The following CS variants were observed in gnomAD, a reference collection of about 807,000 sequenced individuals.
The protein encoded by CS is citrate synthase.
In CS, 13 loss-of-function variants were observed where a neutral mutation model predicts 61.4. The observed-to-expected ratio is 0.21, with a 90% CI of 0.14 to 0.34. The LOEUF (loss-of-function observed/expected upper bound fraction) is 0.34. Ranked by LOEUF, CS falls within the 10% of genes least tolerant of loss-of-function variation. The pLI is 1.00. For missense variants in CS, 278 were observed against 573.4 expected, an observed-to-expected ratio of 0.48 and a Z score of 5.26; for synonymous variants, 159 against 215.2, an observed-to-expected ratio of 0.74 and a Z score of 2.29.
intron 3 of CS, among the ~76,000 whole-genome samples, chr12:56,284,821 C>T (rs527556274): frequency 1.3e-5 from 2 of 149,314 alleles, no homozygotes; most frequent in Non-Finnish European, 3.0e-5. Flanking sequence ...ATCGCTTGAA[C>T]CCGGGAGGCG....
At chr12:56,289,149 C>G (rs1047417364) in intron 1 of CS, among the ~76,000 whole-genome samples, 12 of 152,174 alleles carry the variant, frequency 7.9e-5, no homozygotes, top group Non-Finnish European at 1.6e-4. Context: ...AAATAGGCAG[C>G]ACAAACAGCC....
At chr12:56,282,218 T>C in intron 6 of CS, 2 of 471,164 alleles carry the variant, frequency 4.2e-6, no homozygotes. Flanking sequence ...AAACAAACAG[T>C]CCTGGTGATA....
intron 1 of CS, among the ~76,000 whole-genome samples, chr12:56,289,449 A>AT (rs565695428): frequency 1.5e-3 from 216 of 148,168 alleles, no homozygotes; most frequent in Admixed American, 2.6e-3. Flanking sequence ...AATTTAATTA[A>AT]TTTTTTTTTT....
At position 56,272,226 on chromosome 12, in the gene CS, G is replaced by C. The variant is rs1209304782; in HGVS notation, c.*858C>G. 1 of 225,800 alleles carries C rather than the reference G, an allele frequency of 4.4e-6. No homozygotes were observed. The highest frequency in any genetic ancestry group is 5.5e-5 in the Admixed American group (1 of 18,314). The allele number at this position is 225,800 out of a possible 1,614,324, so 14.0% of individuals were successfully genotyped here. On this transcript the variant is annotated 3_prime_UTR_variant, in exon 11 of 11. Transcript: ENST00000351328. ...GCATATTAAAAGATGGGGGTTGGTG[G>C]GGGGTGGGGAGGTCAGAAGGTAGTG...
chr12:56,283,476 C>G (rs1872838227), intron 4 of CS, among the ~76,000 whole-genome samples: 1 of 152,112 alleles, frequency 6.6e-6, no homozygotes, highest in Non-Finnish European at 1.5e-5. Context: ...ACCTCCTGAC[C>G]GCATGATCTG....
chr12:56,279,923 G>C (rs1482537440), intron 6 of CS, among the ~76,000 whole-genome samples: 2 of 151,590 alleles, frequency 1.3e-5, no homozygotes, highest in Non-Finnish European at 2.9e-5. Flanking sequence ...AGCTGAGATT[G>C]TGTCACTGCA....
chr12:56,278,483 A>C (rs1872685789), intron 6 of CS, among the ~76,000 whole-genome samples: 1 of 152,134 alleles, frequency 6.6e-6, no homozygotes, highest in Non-Finnish European at 1.5e-5. Flanking sequence ...TCACACCTGT[A>C]ATCCCAGAAC....
intron 7 of CS, 29 bp from the exon 8 acceptor site, chr12:56,275,160 G>C: frequency 2.5e-6 from 4 of 1,613,524 alleles, no homozygotes; most frequent in Non-Finnish European, 2.5e-6. Flanking sequence ...GGAGAGCCAA[G>C]GGAAGAAAGA....
At chr12:56,273,304 T>C (rs757375897) in intron 10 of CS, 50 bp from the exon 11 acceptor site, 1 of 1,570,902 alleles carries the variant, frequency 6.4e-7, no homozygotes, top group East Asian at 2.2e-5. Flanking sequence ...GGCAGTGGCA[T>C]GTACAAGTCC....
rs528129975 is a variant in CS, at chr12:56,274,143, G to A, written c.1021-347C>T. On this transcript the variant is annotated intron_variant, in intron 9 of 10. Coordinates refer to ENST00000351328, the MANE Select transcript of CS (RefSeq NM_004077.3). ...AGCCTGACCAACTGACCAACTCGGA[G>A]AAACCCCGTCTCTACTAAAAATACA... 62 of 273,338 alleles carry A rather than the reference G, an allele frequency of 2.3e-4. No homozygotes were observed. The South Asian group carries it at 2.7e-3, about 12-fold the overall frequency. 16.9% of individuals were successfully genotyped at this position (273,338 alleles called of 1,614,324 possible).
chr12:56,298,713 T>G (rs1157838201), intron 1 of CS: 5 of 981,620 alleles, frequency 5.1e-6, no homozygotes, highest in Non-Finnish European at 6.0e-6. Flanking sequence ...AAGGTAAATC[T>G]TACAAATTTC....
At chr12:56,293,429 A>G (rs1873195458) in intron 1 of CS, among the ~76,000 whole-genome samples, 1 of 152,220 alleles carries the variant, frequency 6.6e-6, no homozygotes, top group Non-Finnish European at 1.5e-5. Flanking sequence ...AAAAAATTAG[A>G]AAACAGGCTG....
At chr12:56,281,419 C>T (rs1243383325) in intron 6 of CS, among the ~76,000 whole-genome samples, 1 of 152,164 alleles carries the variant, frequency 6.6e-6, no homozygotes, top group East Asian at 1.9e-4. Flanking sequence ...GGATCTGGAG[C>T]CTACTCCAAG....
chr12:56,286,548 GCTGGCCGCAATGATT>G, intron 2 of CS, 32 bp downstream of exon 2: 1 of 1,583,186 alleles, frequency 6.3e-7, no homozygotes, highest in Non-Finnish European at 8.7e-7. Context: ...CCAAGGTCAG[GCTGGCCGCAATGATT>G]CTTATTCTTA....
intron 6 of CS, among the ~76,000 whole-genome samples, chr12:56,280,382 T>A: frequency 8.2e-6 from 1 of 122,340 alleles, no homozygotes; most frequent in African/African-American, 3.1e-5. Context: ...GCCATTGCAC[T>A]CCAACCTGGG....
At chr12:56,291,486 A>C (rs1310620922) in intron 1 of CS, 1 of 176,456 alleles carries the variant, frequency 5.7e-6, no homozygotes, top group Non-Finnish European at 1.2e-5. Context: ...AGAGCAAATG[A>C]CTCTAGACAG....
Position 56,286,612 on chromosome 12 carries a change from C to G in CS, c.76G>C (p.Ala26Pro). The part of the protein sequence containing the change: ...ASCLVLAARH[A>P]SASSTNLKDI... ...AACCTTACCGTGGAGGAAGCACTGG[C>G]ATGCCGGGCTGCAAGAACAAGACAA... Residue 26 changes from alanine to proline, a missense_variant, in exon 2 of 11, where the codon GCC (alanine) becomes CCC (proline). Ala to Pro is a conservative substitution (Grantham distance 27). Transcript: ENST00000351328. 1 of 1,614,096 alleles carries G rather than the reference C, an allele frequency of 6.2e-7. No individual in the cohort carries two copies.
At position 56,283,014 on chromosome 12, in the gene CS, T is replaced by G. The variant is rs200825276; in HGVS notation, c.268-23A>C. 5.3e-5 allele frequency: 86 copies of G among 1,611,124 alleles called. No homozygotes were observed. In the East Asian group the frequency reaches 1.8e-3, roughly 33 times the overall value. On this transcript the variant is annotated intron_variant, in intron 4 of 10. Transcript: ENST00000351328. ...GCCCTTGAGAGAGGAGAGAGAGAAT[T>G]ACAACTCAAGTTTATAGCCTAGAAG...
chr12:56,274,669 A>G (rs1388331758), intron 9 of CS, 108 bp downstream of exon 9: 11 of 860,476 alleles, frequency 1.3e-5, no homozygotes, highest in Non-Finnish European at 1.7e-5. Context: ...ATAAATGAAG[A>G]AAAAAAAATC....
Sources: gnomAD v4.1 joint callset for allele counts (sites outside exome capture counted in the v4.1 genomes callset) on GRCh38, gnomAD v4.1.1 for gene constraint, MANE v1.5 for transcripts, NCBI Gene and HGNC (gene_info 2026-07-23, HGNC 2026-07-21) for gene names.